The following EPHA3 variants were observed in gnomAD, a reference collection of about 807,000 sequenced individuals.
EPHA3 encodes ephrin type-A receptor 3.
In EPHA3, 42 loss-of-function variants were observed where a neutral mutation model predicts 107.1. The ratio of observed to expected loss-of-function variants is 0.39; its 90% CI spans 0.31 to 0.51. The LOEUF is 0.51. Ranked by LOEUF, EPHA3 falls within the 20% of genes least tolerant of loss-of-function variation. EPHA3 has a pLI of 0.78. For missense variants in EPHA3, 1,183 were observed against 1,211.2 expected, an observed-to-expected ratio of 0.98 and a Z score of 0.35; for synonymous variants, 461 against 424.8, an observed-to-expected ratio of 1.09 and a Z score of -1.05.
intron 3 of EPHA3, among the ~76,000 whole-genome samples, chr3:89,256,369 G>A (rs1432601289): frequency 1.3e-5 from 2 of 151,466 alleles, no homozygotes; most frequent in Non-Finnish European, 2.9e-5. Flanking sequence ...CAAGGAGTTC[G>A]AGACCAGCCT....
At chr3:89,231,522 T>C (rs1704634836) in intron 3 of EPHA3, among the ~76,000 whole-genome samples, 5 of 152,186 alleles carry the variant, frequency 3.3e-5, no homozygotes, top group Admixed American at 3.3e-4. Context: ...TCACTGCTCT[T>C]GTGTGTGTAT....
At chr3:89,451,393 G>A (rs1387145666) in intron 15 of EPHA3, among the ~76,000 whole-genome samples, 1 of 152,034 alleles carries the variant, frequency 6.6e-6, no homozygotes, top group African/African-American at 2.4e-5. Context: ...AGTAATTAAA[G>A]GCAAAGATAT....
Position 89,306,280 on chromosome 3 carries a change from G to C in EPHA3, c.815-34636G>C, listed in dbSNP as rs1299307742. Among the ~76,000 whole-genome samples, 4 of 152,258 alleles carry C rather than the reference G, an allele frequency of 2.6e-5. No homozygotes were observed. The East Asian group carries it at 7.7e-4, about 29-fold the overall frequency. ...TAATAACACCAGAATTCTAACTGAAGTGTCTGGCTTGAAGCCCATGTTCTT... is the reference window on the plus strand; with the variant it reads ...TAATAACACCAGAATTCTAACTGAACTGTCTGGCTTGAAGCCCATGTTCTT... On this transcript the variant is annotated intron_variant, in intron 3 of 16. Coordinates refer to ENST00000336596, the MANE Select transcript of EPHA3 (RefSeq NM_005233.6).
chr3:89,350,530 C>T (rs1707784954), intron 5 of EPHA3, among the ~76,000 whole-genome samples: 1 of 149,502 alleles, frequency 6.7e-6, no homozygotes, highest in Non-Finnish European at 1.5e-5. Context: ...AAATTTTTTT[C>T]AAAGTTTTCA....
At position 89,127,195 on chromosome 3, in the gene EPHA3, A is replaced by T. The variant is rs560245157; in HGVS notation, c.89-14A>T. 1.2e-6 allele frequency: 2 copies of T among 1,602,254 alleles called. No homozygotes were observed. The highest frequency in any genetic ancestry group is 1.7e-6 in the Non-Finnish European group (2 of 1,169,852). On this transcript the variant is annotated splice_polypyrimidine_tract_variant and intron_variant, in intron 1 of 16. Coordinates refer to ENST00000336596, the MANE Select transcript of EPHA3 (RefSeq NM_005233.6). ...CTGTTATTAACTGTGTTTGTGTATT[A>T]TGTTTTATTTTAGTCAATCTACTGG...
At chr3:89,204,289 G>A (rs1299448265) in intron 2 of EPHA3, among the ~76,000 whole-genome samples, 2 of 152,070 alleles carry the variant, frequency 1.3e-5, no homozygotes, top group African/African-American at 2.4e-5. Context: ...GGCTAAAGGT[G>A]GTTGGGTATG....
chr3:89,342,169 C>A (rs767423508), intron 5 of EPHA3, 79 bp downstream of exon 5: 10 of 1,316,502 alleles, frequency 7.6e-6, no homozygotes, highest in South Asian at 1.6e-5. Context: ...GAAAACTGGG[C>A]GGAAGGAAAA....
chr3:89,456,263 T>A (rs1181855833), intron 15 of EPHA3, among the ~76,000 whole-genome samples: 1 of 151,228 alleles, frequency 6.6e-6, no homozygotes, highest in Non-Finnish European at 1.5e-5. Flanking sequence ...ACTTCAAAAC[T>A]GAATTCGTGG....
At chr3:89,388,557 C>A (rs1418287440) in intron 5 of EPHA3, among the ~76,000 whole-genome samples, 1 of 151,956 alleles carries the variant, frequency 6.6e-6, no homozygotes, top group Non-Finnish European at 1.5e-5. Flanking sequence ...TCTAGTGTTG[C>A]AGACAGGGAG....
chr3:89,393,304 T>C (rs1174023940), intron 5 of EPHA3, among the ~76,000 whole-genome samples: 1 of 152,188 alleles, frequency 6.6e-6, no homozygotes, highest in Non-Finnish European at 1.5e-5. Context: ...TCAAAGAGCT[T>C]TGAAGAAATT....
At chr3:89,314,482 C>T (rs1386063710) in intron 3 of EPHA3, among the ~76,000 whole-genome samples, 1 of 151,630 alleles carries the variant, frequency 6.6e-6, no homozygotes, top group African/African-American at 2.4e-5. Flanking sequence ...ATCCAAAGCA[C>T]CCTGATTATA....
At chr3:89,126,614 A>G (rs1178650819) in intron 1 of EPHA3, among the ~76,000 whole-genome samples, 9 of 151,606 alleles carry the variant, frequency 5.9e-5, no homozygotes, top group Non-Finnish European at 1.2e-4. Flanking sequence ...TTATTATAAA[A>G]CATAGTTTTA....
chr3:89,183,786 T>C (rs1399937203), intron 2 of EPHA3, among the ~76,000 whole-genome samples: 3 of 151,962 alleles, frequency 2.0e-5, no homozygotes, highest in Non-Finnish European at 2.9e-5. Context: ...CTGTCACTTT[T>C]TGGGAACTGG....
At chr3:89,185,757 G>A (rs1026258573) in intron 2 of EPHA3, among the ~76,000 whole-genome samples, 8 of 151,860 alleles carry the variant, frequency 5.3e-5, no homozygotes, top group South Asian at 2.1e-4. Context: ...TCACATATTC[G>A]CATTTACACA....
At position 89,258,973 on chromosome 3, in the gene EPHA3, C is replaced by T. The variant is rs1235765447; in HGVS notation, c.814+48453C>T. On this transcript the variant is annotated intron_variant, in intron 3 of 16. Transcript: ENST00000336596. ...AGTCAATGTATGGGAAATCTCTTGG[C>T]GCCTGAATAAGGTCTGTATCTTAGT... is the stretch of plus-strand genomic sequence containing the variant. 4.6e-5 allele frequency among the ~76,000 whole-genome samples: 7 copies of T among 152,088 alleles called. No homozygotes were observed. The South Asian group carries it at 8.3e-4, about 18-fold the overall frequency.
At chr3:89,314,338 G>A (rs972747871) in intron 3 of EPHA3, among the ~76,000 whole-genome samples, 5 of 151,940 alleles carry the variant, frequency 3.3e-5, no homozygotes, top group Middle Eastern at 3.4e-3. Context: ...TTAGAGGTAT[G>A]TGACTAACTT....
chr3:89,339,190 G>A (rs1707460063), intron 3 of EPHA3, among the ~76,000 whole-genome samples: 1 of 151,972 alleles, frequency 6.6e-6, no homozygotes, highest in Non-Finnish European at 1.5e-5. Flanking sequence ...GACCAACATG[G>A]TGAAACTCTG....
intron 2 of EPHA3, among the ~76,000 whole-genome samples, chr3:89,203,886 A>G (rs906741286): frequency 2.6e-5 from 4 of 152,178 alleles, no homozygotes; most frequent in African/African-American, 9.7e-5. Context: ...TAGGGGTATT[A>G]AGGAACTAGA....
chr3:89,131,442 A>G (rs1559745178), intron 2 of EPHA3, among the ~76,000 whole-genome samples: 1 of 152,176 alleles, frequency 6.6e-6, no homozygotes, highest in Non-Finnish European at 1.5e-5. Context: ...AATTGATTGT[A>G]CTTAAATTGA....
Sources: allele counts gnomAD v4.1 joint callset (sites outside exome capture counted in the v4.1 genomes callset), GRCh38; gene constraint gnomAD v4.1.1; transcripts MANE v1.5; gene names NCBI Gene and HGNC (gene_info 2026-07-23, HGNC 2026-07-21).